Variants in DPP6 observed in about 807,000 individuals in gnomAD.
DPP6 encodes the protein A-type potassium channel modulatory protein DPP6.
A neutral mutation model predicts 122.6 loss-of-function variants in DPP6; 69 were observed. The ratio of observed to expected loss-of-function variants is 0.56; its 90% CI spans 0.46 to 0.69. The LOEUF (loss-of-function observed/expected upper bound fraction) is 0.69. Among genes scored for constraint, DPP6 ranks in the 30% least tolerant of loss-of-function variants. The pLI is 0.00. For missense variants in DPP6, 928 were observed against 1,116.9 expected, an observed-to-expected ratio of 0.83 and a Z score of 2.41; for synonymous variants, 418 against 433.1, an observed-to-expected ratio of 0.97 and a Z score of 0.43.
the DPP6 span, among the ~76,000 whole-genome samples, chr7:153,777,567 G>A: frequency 9.3e-6 from 1 of 107,990 alleles, no homozygotes; most frequent in African/African-American, 4.0e-5. Context: ...AAAAAGAAAG[G>A]AAGTATTGAT....
At chr7:154,432,816 C>A (rs1327555122) in intron 1 of DPP6, among the ~76,000 whole-genome samples, 1 of 152,156 alleles carries the variant, frequency 6.6e-6, no homozygotes, top group African/African-American at 2.4e-5. Context: ...TCACTGGTCA[C>A]CCATGTTGCT....
At position 153,983,006 on chromosome 7, in the gene DPP6, G is replaced by A. The variant is rs546518919; in HGVS notation, c.51+95272G>A. ...GACCTCTGCTGGGAGGTGTCTCCCC[G>A]TCAGGAGGTACGGGGGTGAGGGACC... On this transcript the variant is annotated intron_variant, in intron 1 of 25. Transcript: ENST00000404039. Among the ~76,000 whole-genome samples, 264 of 152,330 alleles carry A rather than the reference G, an allele frequency of 1.7e-3. 1 individual carries two copies. Among genetic ancestry groups the A allele is most frequent in the African/African-American group, 5.3e-3 (222 of 41,584 alleles).
chr7:154,085,392 G>C (rs1804333328), intron 1 of DPP6, among the ~76,000 whole-genome samples: 1 of 152,120 alleles, frequency 6.6e-6, no homozygotes, highest in Non-Finnish European at 1.5e-5. Context: ...ACTGTCTTCT[G>C]ACATCTCTTA....
intron 1 of DPP6, among the ~76,000 whole-genome samples, chr7:153,923,872 C>T (rs578040896): frequency 7.9e-5 from 12 of 151,574 alleles, no homozygotes; most frequent in East Asian, 3.9e-4. Context: ...ATTTAGTCAT[C>T]GGTGGATCCC....
chr7:154,237,544 C>A (rs982712733), intron 1 of DPP6, among the ~76,000 whole-genome samples: 7 of 152,182 alleles, frequency 4.6e-5, no homozygotes, highest in Non-Finnish European at 7.3e-5. Context: ...GTTGACCTCA[C>A]CTGGGGTCTC....
intron 1 of DPP6, among the ~76,000 whole-genome samples, chr7:154,279,928 G>A (rs1242101584): frequency 1.3e-5 from 2 of 152,126 alleles, no homozygotes; most frequent in African/African-American, 4.8e-5. Context: ...AGATAAAGAA[G>A]GATATTACAC....
intron 1 of DPP6, among the ~76,000 whole-genome samples, chr7:154,013,512 AC>A (rs1200776954): frequency 3.3e-5 from 5 of 151,324 alleles, no homozygotes; most frequent in African/African-American, 9.7e-5. Context: ...TTAAAAAAAA[AC>A]AACATACAAC....
intron 3 of DPP6, among the ~76,000 whole-genome samples, chr7:154,499,189 G>A (rs532523340): frequency 2.0e-5 from 3 of 152,288 alleles, no homozygotes; most frequent in Admixed American, 1.3e-4. Flanking sequence ...GCAGGTGACT[G>A]GCAGGCTCTA....
chr7:154,210,980 C>G (rs532976719), intron 1 of DPP6, among the ~76,000 whole-genome samples: 43 of 152,264 alleles, frequency 2.8e-4, no homozygotes, highest in African/African-American at 8.7e-4. Flanking sequence ...AGAAACAGGC[C>G]TGGAGTGCCC....
At chr7:154,062,034 C>T (rs1411863001) in intron 1 of DPP6, among the ~76,000 whole-genome samples, 5 of 125,144 alleles carry the variant, frequency 4.0e-5, no homozygotes, top group Non-Finnish European at 8.7e-5. Context: ...AGGCACCCCC[C>T]GCGAGGCAGG....
chr7:154,273,678 T>G (rs1481180073), intron 1 of DPP6, among the ~76,000 whole-genome samples: 1 of 152,192 alleles, frequency 6.6e-6, no homozygotes. Context: ...AATTTCAAAG[T>G]CAAATGTCTG....
At chr7:154,209,873 A>G (rs1426865639) in intron 1 of DPP6, among the ~76,000 whole-genome samples, 1 of 152,238 alleles carries the variant, frequency 6.6e-6, no homozygotes, top group South Asian at 2.1e-4. Flanking sequence ...GTCAAAGGGC[A>G]TGGACCCCTG....
intron 21 of DPP6, among the ~76,000 whole-genome samples, chr7:154,881,581 C>T (rs1177066530): frequency 6.6e-6 from 1 of 152,240 alleles, no homozygotes; most frequent in Admixed American, 6.5e-5. Context: ...ATAGACCCAT[C>T]TTCCCTCTGG....
intron 8 of DPP6, among the ~76,000 whole-genome samples, chr7:154,748,907 A>C (rs1045918682): frequency 6.6e-6 from 1 of 152,238 alleles, no homozygotes; most frequent in African/African-American, 2.4e-5. Context: ...CAGGTGGCTC[A>C]AGTCAAACTT....
intron 6 of DPP6, among the ~76,000 whole-genome samples, chr7:154,654,410 T>TTTCCTTCCTTCCTTCC (rs1354598763): frequency 5.8e-5 from 2 of 34,732 alleles, no homozygotes. Context: ...CAAATCTTTC[T>TTTCCTTCCTTCCTTCC]TTCTTTCTTT....
intron 1 of DPP6, among the ~76,000 whole-genome samples, chr7:153,973,927 A>G (rs1372452462): frequency 6.6e-6 from 1 of 151,376 alleles, no homozygotes; most frequent in Non-Finnish European, 1.5e-5. Context: ...AGGCTGGTGT[A>G]GCTTCATTTT....
Position 154,760,734 on chromosome 7 carries a change from C to A in DPP6, c.884-8683C>A, listed in dbSNP as rs1486357271. ...ATCAGGCCCAGAAGTTCTGGAAGCT[C>A]CCTCAGGTGCCCACAACACAAATGA... is the stretch of plus-strand genomic sequence containing the variant. On this transcript the variant is annotated intron_variant, in intron 8 of 25. Transcript: ENST00000377770. This position sits in a 1 kb window ranked among gnomAD's most constrained non-coding sequence, Gnocchi z 4.5. Among the ~76,000 whole-genome samples, 2 of 152,024 alleles carry A rather than the reference C, an allele frequency of 1.3e-5. No individual in the cohort carries two copies. Among genetic ancestry groups the A allele is most frequent in the Non-Finnish European group, 2.9e-5 (2 of 68,020 alleles).
intron 3 of DPP6, among the ~76,000 whole-genome samples, chr7:154,501,428 G>A (rs1037611926): frequency 3.3e-5 from 5 of 152,180 alleles, no homozygotes; most frequent in African/African-American, 9.7e-5. Context: ...GGACAAAGTG[G>A]TTTGGTGGAC....
At chr7:154,307,549 AG>A (rs1041859146) in intron 1 of DPP6, among the ~76,000 whole-genome samples, 1 of 152,132 alleles carries the variant, frequency 6.6e-6, no homozygotes, top group African/African-American at 2.4e-5. Flanking sequence ...CAGATGGGAC[AG>A]GGGGTGAAGA....
Sources: gnomAD v4.1 joint callset for allele counts (sites outside exome capture counted in the v4.1 genomes callset) on GRCh38, gnomAD v4.1.1 for gene constraint, Gnocchi (gnomAD v3.1) non-coding constraint, MANE v1.5 for transcripts, NCBI Gene and HGNC (gene_info 2026-07-23, HGNC 2026-07-21) for gene names.